The following EXOC2 variants were observed in gnomAD, a reference collection of about 807,000 sequenced individuals.
The protein encoded by EXOC2 is exocyst complex component 2, also known as SEC5-like 1.
Under a neutral mutation model 131.8 loss-of-function variants are expected in EXOC2, and 70 were observed. The ratio of observed to expected loss-of-function variants is 0.53; its 90% CI spans 0.44 to 0.65. The LOEUF (loss-of-function observed/expected upper bound fraction) is 0.65, where lower values mean the gene tolerates loss of function less well. Among genes scored for constraint, EXOC2 ranks in the 30% least tolerant of loss-of-function variants. EXOC2 has a pLI of 0.00. For synonymous variants in EXOC2, 411 were observed against 398.4 expected, an observed-to-expected ratio of 1.03 and a Z score of -0.38; for missense variants, 923 against 1,108.6, an observed-to-expected ratio of 0.83 and a Z score of 2.38.
chr6:671,353 AC>A (rs755629715), intron 1 of EXOC2, among the ~76,000 whole-genome samples: 50 of 150,306 alleles, frequency 3.3e-4, no homozygotes, highest in South Asian at 4.2e-4. Flanking sequence ...AACAACAACA[AC>A]AAAAAAAAAC....
intron 22 of EXOC2, among the ~76,000 whole-genome samples, chr6:538,246 A>G (rs956052380): frequency 2.0e-5 from 3 of 152,214 alleles, no homozygotes; most frequent in African/African-American, 7.2e-5. Context: ...AAACTTGCAT[A>G]GCACACTGAA....
intron 1 of EXOC2, among the ~76,000 whole-genome samples, chr6:677,920 G>A (rs1764222134): frequency 7.1e-6 from 1 of 141,502 alleles, no homozygotes; most frequent in Non-Finnish European, 1.5e-5. Flanking sequence ...ATCAGGGGCT[G>A]TGCTTATAAT....
intron 23 of EXOC2, among the ~76,000 whole-genome samples, chr6:526,730 G>A (rs1323426902): frequency 8.5e-5 from 13 of 152,092 alleles, no homozygotes; most frequent in Admixed American, 2.0e-4. Context: ...GTGAGCCACC[G>A]CGCCCGGCTC....
intron 4 of EXOC2, among the ~76,000 whole-genome samples, chr6:622,263 C>T (rs942302102): frequency 1.3e-5 from 2 of 152,164 alleles, no homozygotes; most frequent in East Asian, 3.8e-4. Context: ...AATCAAAATG[C>T]GCTACTGGTA....
rs1404942139 is a variant in EXOC2, at chr6:592,465, T to C, written c.1192+4A>G. On this transcript the variant is annotated splice_donor_region_variant and intron_variant, in intron 11 of 27. Coordinates refer to ENST00000230449, the MANE Select transcript of EXOC2 (RefSeq NM_018303.6). ...ACACAACACATTGGAAGAGAAATCC[T>C]TGCCTTTCAGATCTTTCACGTAGCC... 1 of 1,610,900 alleles carries C rather than the reference T, an allele frequency of 6.2e-7. No homozygotes were observed. The highest frequency in any genetic ancestry group is 2.2e-5 in the East Asian group (1 of 44,800).
At chr6:671,357 A>C (rs570126211) in intron 1 of EXOC2, among the ~76,000 whole-genome samples, 166 of 151,634 alleles carry the variant, frequency 1.1e-3, no homozygotes, top group African/African-American at 3.7e-3. Flanking sequence ...ACAACAACAA[A>C]AAAAAACAAA....
At chr6:492,315 G>A (rs1763481410) in intron 25 of EXOC2, among the ~76,000 whole-genome samples, 1 of 152,202 alleles carries the variant, frequency 6.6e-6, no homozygotes, top group South Asian at 2.1e-4. Flanking sequence ...TTGCTGGTAG[G>A]AATGTCTGCC....
Position 616,564 on chromosome 6 carries a change from C to T in EXOC2, c.661+1147G>A, listed in dbSNP as rs183675110. On this transcript the variant is annotated intron_variant, in intron 6 of 27. Transcript: ENST00000230449. The stretch of plus-strand genomic sequence containing the variant: ...CTTGCAGTGAGCTGAGATCGCGCCA[C>T]AGCACTCCCGCCTGGGCGACAGAGC... Among the ~76,000 whole-genome samples the T allele has an allele frequency of 5.5e-3, 698 of 127,272 alleles. 3 individuals carry two copies. Among genetic ancestry groups the T allele is most frequent in the Admixed American group, 0.016 (168 of 10,698 alleles). The allele number at this position is 127,272 out of a possible 152,430, so 83.5% of individuals were successfully genotyped here.
At chr6:575,553 G>C (rs972541256) in intron 12 of EXOC2, among the ~76,000 whole-genome samples, 2 of 122,938 alleles carry the variant, frequency 1.6e-5, no homozygotes, top group Non-Finnish European at 3.6e-5. Context: ...CGACATGCTG[G>C]CTCCCCTTTT....
chr6:567,386 C>A (rs1180706574), intron 13 of EXOC2, among the ~76,000 whole-genome samples: 2 of 152,208 alleles, frequency 1.3e-5, no homozygotes, highest in African/African-American at 4.8e-5. Flanking sequence ...AGAGAGCGGC[C>A]TTCCCTGACC....
chr6:562,764 T>C lies in EXOC2; in HGVS notation c.1851+20A>G. 6.5e-7 allele frequency: 1 copy of C among 1,545,040 alleles called. No homozygotes were observed. Among genetic ancestry groups the C allele is most frequent in the Non-Finnish European group, 8.8e-7 (1 of 1,139,466 alleles). ...TAAATACACACTAATGACTAATAAT[T>C]GAAAAGAACTTAAACTTACTAGAGA... On this transcript the variant is annotated intron_variant, in intron 17 of 27. Transcript: ENST00000230449.
intron 1 of EXOC2, among the ~76,000 whole-genome samples, chr6:663,835 T>C (rs1229809142): frequency 6.6e-6 from 1 of 152,150 alleles, no homozygotes; most frequent in Non-Finnish European, 1.5e-5. Flanking sequence ...AACATAATAC[T>C]GAATGGGGAA....
At chr6:572,385 T>C in intron 13 of EXOC2, 135 bp downstream of exon 13, 1 of 1,145,312 alleles carries the variant, frequency 8.7e-7, no homozygotes, top group Non-Finnish European at 1.2e-6. Flanking sequence ...TATAATGCTT[T>C]AACTGATTTT....
intron 24 of EXOC2, among the ~76,000 whole-genome samples, chr6:497,885 T>C (rs953406838): frequency 1.3e-5 from 2 of 152,244 alleles, no homozygotes; most frequent in Non-Finnish European, 2.9e-5. Flanking sequence ...CAGACTCTCC[T>C]TAAACTCTGA....
At chr6:544,239 G>C (rs2473488) in intron 22 of EXOC2, among the ~76,000 whole-genome samples, 110,392 of 152,126 alleles carry the variant, frequency 0.73, 40,198 homozygotes, top group South Asian at 0.82. Context: ...GAAATCTTAT[G>C]TTCTTTCTTG....
chr6:505,060 C>T (rs1764450377), intron 23 of EXOC2, among the ~76,000 whole-genome samples: 1 of 152,084 alleles, frequency 6.6e-6, no homozygotes, highest in Non-Finnish European at 1.5e-5. Context: ...GCTGCAGATC[C>T]TGGCTGTACA....
At chr6:559,255 G>A (rs1289232299) in intron 17 of EXOC2, among the ~76,000 whole-genome samples, 1 of 152,196 alleles carries the variant, frequency 6.6e-6, no homozygotes, top group African/African-American at 2.4e-5. Flanking sequence ...TCTAATCAGA[G>A]AGAATGCCTC....
At chr6:585,391 G>A (rs960636338) in intron 11 of EXOC2, among the ~76,000 whole-genome samples, 4 of 152,150 alleles carry the variant, frequency 2.6e-5, no homozygotes, top group Admixed American at 6.5e-5. Flanking sequence ...TCCTGGCCTC[G>A]TGTTATACTC....
At chr6:634,189 C>A (rs1202731978) in intron 2 of EXOC2, among the ~76,000 whole-genome samples, 1 of 152,208 alleles carries the variant, frequency 6.6e-6, no homozygotes, top group Non-Finnish European at 1.5e-5. Flanking sequence ...CCTCAGCCTC[C>A]CAAGCAGCTG....
Sources: gnomAD v4.1 joint callset for allele counts (sites outside exome capture counted in the v4.1 genomes callset) on GRCh38, gnomAD v4.1.1 for gene constraint, MANE v1.5 for transcripts, NCBI Gene and HGNC (gene_info 2026-07-23, HGNC 2026-07-21) for gene names.